Variants in ADH1C observed in about 807,000 individuals in gnomAD.
The protein encoded by ADH1C is alcohol dehydrogenase 1C.
A neutral mutation model predicts 35.0 loss-of-function variants in ADH1C; 26 were observed. The observed-to-expected ratio is 0.74, with a 90% confidence interval of 0.54 to 1.03. The LOEUF (loss-of-function observed/expected upper bound fraction) is 1.03, where lower values mean the gene tolerates loss of function less well. Among genes scored for constraint, ADH1C ranks in the 50% least tolerant of loss-of-function variants. The probability of loss-of-function intolerance (pLI) is 0.00; values close to 1 mark genes in which losing one functional copy is unlikely to be tolerated. For missense variants in ADH1C, 413 were observed against 465.4 expected, an observed-to-expected ratio of 0.89 and a Z score of 1.04; for synonymous variants, 170 against 169.3, an observed-to-expected ratio of 1.00 and a Z score of -0.03.
intron 8 of ADH1C, among the ~76,000 whole-genome samples, chr4:99,338,742 T>G (rs1325430383): frequency 6.7e-6 from 1 of 149,338 alleles, no homozygotes; most frequent in Non-Finnish European, 1.5e-5. Context: ...TCTAGTATGA[T>G]AGTTTTGTGA....
chr4:99,351,203 CA>C (rs1235817259), intron 1 of ADH1C: 1 of 147,566 alleles, frequency 6.8e-6, no homozygotes, highest in Non-Finnish European at 1.5e-5. Context: ...TAGTAAATAT[CA>C]AAAAGTTATA....
chr4:99,348,755 C>T (rs1484024853), intron 1 of ADH1C, among the ~76,000 whole-genome samples: 76 of 151,110 alleles, frequency 5.0e-4, no homozygotes, highest in Middle Eastern at 3.4e-3. Flanking sequence ...AGTGTAAAAG[C>T]GTTCCTATTT....
At chr4:99,339,776 A>T in intron 7 of ADH1C, 61 bp from the exon 8 acceptor site, 1 of 1,501,862 alleles carries the variant, frequency 6.7e-7, no homozygotes, top group Non-Finnish European at 9.0e-7. Flanking sequence ...ATTGAAGAGA[A>T]GATTTTCCAA....
At chr4:99,346,497 T>G (rs1405696967) in intron 3 of ADH1C, among the ~76,000 whole-genome samples, 1 of 151,590 alleles carries the variant, frequency 6.6e-6, no homozygotes, top group Non-Finnish European at 1.5e-5. Context: ...AGAGACCATG[T>G]TGGAAGAGGA....
intron 3 of ADH1C, among the ~76,000 whole-genome samples, chr4:99,345,664 T>G (rs765247372): frequency 1.3e-5 from 2 of 152,254 alleles, no homozygotes; most frequent in Non-Finnish European, 2.9e-5. Flanking sequence ...TAGCCTATTT[T>G]AGTCCTAGTA....
chr4:99,343,750 A>G (rs1734466715), intron 5 of ADH1C, among the ~76,000 whole-genome samples: 1 of 152,190 alleles, frequency 6.6e-6, no homozygotes, highest in Non-Finnish European at 1.5e-5. Context: ...TAGACTACCC[A>G]TTAAAATAGA....
At position 99,344,855 on chromosome 4, in the gene ADH1C, T is replaced by C. The variant is rs1734491331; in HGVS notation, c.567+7A>G. On this transcript the variant is annotated splice_region_variant and intron_variant, in intron 5 of 8. Coordinates refer to ENST00000515683, the MANE Select transcript of ADH1C (RefSeq NM_000669.5). ...TAACCGGTTTTATCATCCATTGTCA[T>C]TTCTACCTTGGCAACTTTGACTGCA... is the stretch of plus-strand genomic sequence containing the variant. The C allele has an allele frequency of 6.2e-7, 1 of 1,614,064 alleles. No individual in the cohort carries two copies. The highest frequency in any genetic ancestry group is 8.5e-7 in the Non-Finnish European group (1 of 1,180,040).
chr4:99,347,403 T>C (rs938648660), intron 2 of ADH1C, among the ~76,000 whole-genome samples: 2 of 152,190 alleles, frequency 1.3e-5, no homozygotes, highest in African/African-American at 4.8e-5. Flanking sequence ...TTGTATAATA[T>C]AGAAGAATGC....
chr4:99,343,580 T>G (rs1267026401), intron 5 of ADH1C, among the ~76,000 whole-genome samples: 3 of 152,206 alleles, frequency 2.0e-5, no homozygotes, highest in Non-Finnish European at 4.4e-5. Context: ...AATAATTAAC[T>G]CCTTTCTTCA....
At chr4:99,351,249 A>C (rs547289032) in intron 1 of ADH1C, 2 of 152,326 alleles carry the variant, frequency 1.3e-5, no homozygotes, top group Non-Finnish European at 2.9e-5. Context: ...ATATTTATTG[A>C]CTTATTTTTA....
intron 6 of ADH1C, among the ~76,000 whole-genome samples, chr4:99,342,434 G>A (rs1316192435): frequency 1.3e-5 from 2 of 152,104 alleles, no homozygotes; most frequent in Non-Finnish European, 2.9e-5. Context: ...AAATATTTTT[G>A]TTAAGAATGT....
Position 99,336,539 on chromosome 4 carries a change from T to C in ADH1C, c.*213A>G, listed in dbSNP as rs1007912351. ...TTATTGGCTTCAATTCCCCAGTTGA[T>C]GTTCAACACTTTATTTAGTTCTCAT... is the stretch of plus-strand genomic sequence containing the variant. On this transcript the variant is annotated 3_prime_UTR_variant, in exon 9 of 9. Coordinates refer to ENST00000515683, the MANE Select transcript of ADH1C (RefSeq NM_000669.5). 3 of 623,040 alleles carry C rather than the reference T, an allele frequency of 4.8e-6. No individual in the cohort carries two copies. Among genetic ancestry groups the C allele is most frequent in the Non-Finnish European group, 8.3e-6 (3 of 360,938 alleles). The allele number at this position is 623,040 out of a possible 1,614,324, so 38.6% of individuals were successfully genotyped here.
chr4:99,336,930 T>G (rs146300558), intron 8 of ADH1C, among the ~76,000 whole-genome samples, 154 bp from the exon 9 acceptor site: 377 of 152,274 alleles, frequency 2.5e-3, no homozygotes, highest in African/African-American at 8.5e-3. Flanking sequence ...TCAAGTCAAG[T>G]GAAGGGAAGT....
Position 99,336,578 on chromosome 4 carries a change from A to G in ADH1C, c.*174T>C. On this transcript the variant is annotated 3_prime_UTR_variant, in exon 9 of 9. Transcript: ENST00000515683. The stretch of plus-strand genomic sequence containing the variant: ...TTTAGTTCTCATTTGGATTTTAAAC[A>G]TTTGCTTGACAAATAATTTCCCATC... 1.2e-6 allele frequency: 1 copy of G among 829,446 alleles called. No homozygotes were observed. Among genetic ancestry groups the G allele is most frequent in the Admixed American group, 2.7e-5 (1 of 36,630 alleles). The allele number at this position is 829,446 out of a possible 1,614,324, so 51.4% of individuals were successfully genotyped here. A position where few individuals can be genotyped will look rare whatever the true frequency, so the allele number is the denominator to read the frequency against.
intron 6 of ADH1C, among the ~76,000 whole-genome samples, chr4:99,341,563 C>A (rs767421208): frequency 1.3e-5 from 2 of 152,142 alleles, no homozygotes; most frequent in Non-Finnish European, 2.9e-5. Flanking sequence ...TCTCTTGATA[C>A]TTTATTCCTC....
intron 8 of ADH1C, 51 bp downstream of exon 8, chr4:99,339,526 C>G (rs75782112): frequency 1.6e-6 from 2 of 1,218,888 alleles, no homozygotes; most frequent in Non-Finnish European, 2.2e-6. Context: ...CCCCCCCCCC[C>G]GCCGCTACTG....
At position 99,339,524 on chromosome 4, in the gene ADH1C, C is replaced by G. The variant is rs1975438; in HGVS notation, c.1103+53G>C. On this transcript the variant is annotated intron_variant, in intron 8 of 8. Coordinates refer to ENST00000515683, the MANE Select transcript of ADH1C (RefSeq NM_000669.5). Reference sequence around the variant, plus strand: ...TCTGCTAGACAACGCCCCCCCCCCCCCCGCCGCTACTGTAGAATACAAAGC... The same window carrying G: ...TCTGCTAGACAACGCCCCCCCCCCCGCCGCCGCTACTGTAGAATACAAAGC... 1.7e-3 allele frequency: 1,949 copies of G among 1,153,462 alleles called. 77 individuals are homozygous for G. In the African/African-American group the frequency reaches 0.028, roughly 16 times the overall value. 71.5% of individuals were successfully genotyped at this position (1,153,462 alleles called of 1,614,324 possible). A position where few individuals can be genotyped will look rare whatever the true frequency, so the allele number is the denominator to read the frequency against.
At chr4:99,339,530 G>T (rs751750813) in intron 8 of ADH1C, 47 bp downstream of exon 8, 42 of 794,822 alleles carry the variant, frequency 5.3e-5, no homozygotes, top group Non-Finnish European at 6.5e-5. Context: ...CCCCCCCGCC[G>T]CTACTGTAGA....
intron 1 of ADH1C, among the ~76,000 whole-genome samples, chr4:99,349,663 G>A (rs1400534882): frequency 6.6e-6 from 1 of 151,982 alleles, no homozygotes; most frequent in African/African-American, 2.4e-5. Context: ...CTCCACTTCT[G>A]TGTTACTTGT....
Sources: allele counts gnomAD v4.1 joint callset (sites outside exome capture counted in the v4.1 genomes callset), GRCh38; gene constraint gnomAD v4.1.1; transcripts MANE v1.5; gene names NCBI Gene and HGNC (gene_info 2026-07-23, HGNC 2026-07-21).